The following HMCN1 variants were observed in gnomAD, a reference collection of about 807,000 sequenced individuals.
HMCN1 encodes hemicentin-1.
A neutral mutation model predicts 625.9 loss-of-function variants in HMCN1; 321 were observed. The ratio of observed to expected loss-of-function variants is 0.51; its 90% CI spans 0.47 to 0.56. HMCN1 has a LOEUF of 0.56. HMCN1 is among the 20% of genes least tolerant of loss of function. The pLI, the probability that HMCN1 is intolerant of heterozygous loss-of-function variation, is 0.00. For missense variants in HMCN1, 6,588 were observed against 6,887.3 expected, an observed-to-expected ratio of 0.96 and a Z score of 1.54; for synonymous variants, 2,425 against 2,417.6, an observed-to-expected ratio of 1.00 and a Z score of -0.09.
At chr1:185,907,279 A>C (rs1666148965) in intron 4 of HMCN1, among the ~76,000 whole-genome samples, 3 of 151,954 alleles carry the variant, frequency 2.0e-5, no homozygotes, top group African/African-American at 7.2e-5. Context: ...TGGGGCAATT[A>C]GTTGTATTAA....
At chr1:185,889,522 G>A (rs1480074565) in intron 4 of HMCN1, among the ~76,000 whole-genome samples, 5 of 139,804 alleles carry the variant, frequency 3.6e-5, no homozygotes, top group Non-Finnish European at 4.5e-5. Context: ...AGCATGAAGG[G>A]TTGTTGAATT....
At chr1:186,179,478 C>T (rs961935952) in intron 104 of HMCN1, among the ~76,000 whole-genome samples, 5 of 151,100 alleles carry the variant, frequency 3.3e-5, no homozygotes, top group African/African-American at 1.2e-4. Context: ...ACTCATTTAA[C>T]TCAATTTTCT....
intron 68 of HMCN1, among the ~76,000 whole-genome samples, chr1:186,099,381 A>T (rs1660287491): frequency 6.6e-6 from 1 of 152,134 alleles, no homozygotes; most frequent in Non-Finnish European, 1.5e-5. Flanking sequence ...TTCACAGAAC[A>T]TGAGGAGTAA....
intron 4 of HMCN1, among the ~76,000 whole-genome samples, chr1:185,902,802 T>G (rs1332927106): frequency 1.3e-5 from 2 of 151,742 alleles, no homozygotes; most frequent in Non-Finnish European, 3.0e-5. Context: ...TATATACATA[T>G]GTCTACATGT....
At chr1:186,011,088 C>A (rs1653972206) in intron 30 of HMCN1, among the ~76,000 whole-genome samples, 1 of 152,078 alleles carries the variant, frequency 6.6e-6, no homozygotes, top group African/African-American at 2.4e-5. Flanking sequence ...CGCTGTCACC[C>A]AGGCTGGAGT....
At chr1:186,137,371 A>G in intron 87 of HMCN1, 127 bp from the exon 88 acceptor site, 1 of 1,092,158 alleles carries the variant, frequency 9.2e-7, no homozygotes, top group Non-Finnish European at 1.3e-6. Context: ...CTTAAAGGAG[A>G]GCTTCCATAC....
At chr1:186,148,531 CAG>C (rs1491406894) in intron 93 of HMCN1, among the ~76,000 whole-genome samples, 6 of 152,056 alleles carry the variant, frequency 3.9e-5, no homozygotes, top group Non-Finnish European at 2.9e-5. Context: ...TTGTTTGAGA[CAG>C]AGTCTCATTC....
chr1:185,927,519 C>T (rs1395813470), intron 9 of HMCN1, among the ~76,000 whole-genome samples: 1 of 151,958 alleles, frequency 6.6e-6, no homozygotes, highest in Non-Finnish European at 1.5e-5. Flanking sequence ...GGCACAGAAA[C>T]CTGTTTTAAC....
chr1:185,802,821 G>A (rs146974600), intron 1 of HMCN1, among the ~76,000 whole-genome samples: 4 of 152,118 alleles, frequency 2.6e-5, no homozygotes, highest in African/African-American at 7.2e-5. Context: ...TAAATATTTC[G>A]GCAAGTTGTC....
intron 1 of HMCN1, among the ~76,000 whole-genome samples, chr1:185,788,544 A>G (rs2102194527): frequency 6.6e-6 from 1 of 152,298 alleles, no homozygotes; most frequent in Admixed American, 6.5e-5. Context: ...TGTCGTTTAA[A>G]TTAGCCCCAT....
intron 1 of HMCN1, among the ~76,000 whole-genome samples, chr1:185,764,093 G>C (rs1377216089): frequency 6.6e-6 from 1 of 152,108 alleles, no homozygotes; most frequent in East Asian, 1.9e-4. Context: ...ATTAAGAATA[G>C]TTTACAACTC....
intron 20 of HMCN1, 34 bp from the exon 21 acceptor site, chr1:185,989,454 C>T: frequency 6.2e-7 from 1 of 1,612,168 alleles, no homozygotes; most frequent in Admixed American, 1.7e-5. Flanking sequence ...AACAAACAAA[C>T]AAAAAACCCT....
chr1:185,882,286 A>G (rs1485912339), intron 4 of HMCN1, among the ~76,000 whole-genome samples: 1 of 152,116 alleles, frequency 6.6e-6, no homozygotes, highest in Non-Finnish European at 1.5e-5. Flanking sequence ...TGGAGCATTC[A>G]CAGCTTATTG....
chr1:186,143,842 C>T (rs1050600388), intron 89 of HMCN1, among the ~76,000 whole-genome samples: 5 of 152,146 alleles, frequency 3.3e-5, no homozygotes, highest in African/African-American at 1.2e-4. Context: ...AGAACACAGA[C>T]AAATACTTAG....
intron 1 of HMCN1, among the ~76,000 whole-genome samples, chr1:185,777,474 A>T (rs1373896171): frequency 2.7e-5 from 4 of 150,716 alleles, no homozygotes; most frequent in Non-Finnish European, 5.9e-5. Context: ...TTTTTCTGAG[A>T]TGGAGTCTCG....
At chr1:186,080,193 A>T (rs981026509) in intron 55 of HMCN1, among the ~76,000 whole-genome samples, 110 of 152,330 alleles carry the variant, frequency 7.2e-4, no homozygotes, top group African/African-American at 2.6e-3. Flanking sequence ...CATTCAAAAT[A>T]ACATTGAAAT....
chr1:185,832,894 AC>A (rs1660951264), intron 1 of HMCN1, among the ~76,000 whole-genome samples: 2 of 152,226 alleles, frequency 1.3e-5, no homozygotes, highest in Admixed American at 1.3e-4. Context: ...AAGAGCTTCT[AC>A]AAATTGGCAC....
intron 55 of HMCN1, among the ~76,000 whole-genome samples, chr1:186,080,498 A>T (rs1274224894): frequency 6.6e-6 from 1 of 152,212 alleles, no homozygotes; most frequent in Non-Finnish European, 1.5e-5. Flanking sequence ...GTGTAGCTGG[A>T]TTCTATAGTA....
chr1:185,974,478 A>C (rs1241748512), intron 15 of HMCN1, among the ~76,000 whole-genome samples: 1 of 152,146 alleles, frequency 6.6e-6, no homozygotes, highest in Non-Finnish European at 1.5e-5. Flanking sequence ...TAGAGTTGCC[A>C]TTTGAAGCCA....
Sources: allele counts gnomAD v4.1 joint callset (sites outside exome capture counted in the v4.1 genomes callset), GRCh38; gene constraint gnomAD v4.1.1; transcripts MANE v1.5; gene names NCBI Gene and HGNC (gene_info 2026-07-23, HGNC 2026-07-21).